TRIO: variants seen among roughly 807,000 people sequenced by gnomAD.
TRIO encodes trio Rho guanine nucleotide exchange factor.
Under a neutral mutation model 351.9 loss-of-function variants are expected in TRIO, and 58 were observed. That is an observed-to-expected ratio of 0.16 (90% CI 0.13 to 0.21). The LOEUF is 0.21. TRIO is among the 10% of genes least tolerant of loss of function. The pLI is 1.00. For synonymous variants in TRIO, 1,758 were observed against 1,595.7 expected, an observed-to-expected ratio of 1.10 and a Z score of -2.42; for missense variants, 3,201 against 4,027.8, an observed-to-expected ratio of 0.79 and a Z score of 5.56.
At position 14,378,101 on chromosome 5, in the gene TRIO, G is replaced by A. The variant is rs1217013472; in HGVS notation, c.3421G>A (p.Val1141Met). The change falls in exon 20 of 57, where the codon GTG becomes ATG. Residue 1141 changes from valine to methionine, a missense_variant. Coordinates refer to ENST00000344204, the MANE Select transcript of TRIO (RefSeq NM_007118.4). ...ACGGCTGGACCAGTGTCAGCAGTAC[G>A]TGGTCTTTGAGAGGAGTGCCAAGCA... ...KRRLDQCQQY[V>M]VFERSAKQAL... The A allele has an allele frequency of 1.2e-6, 2 of 1,612,544 alleles. No individual in the cohort carries two copies. The highest frequency in any genetic ancestry group is 8.5e-7 in the Non-Finnish European group (1 of 1,179,460).
At chr5:14,440,772 T>G (rs1422758964) in intron 34 of TRIO, 1 of 152,124 alleles carries the variant, frequency 6.6e-6, no homozygotes, top group Non-Finnish European at 1.5e-5. Context: ...TCCCTCCAGA[T>G]GTACACAAAG....
Position 14,488,099 on chromosome 5 carries a change from G to A in TRIO, c.7471G>A (p.Ala2491Thr), listed in dbSNP as rs770576249. 17 of 1,608,776 alleles carry A rather than the reference G, an allele frequency of 1.1e-5. No individual in the cohort carries two copies. Among genetic ancestry groups the A allele is most frequent in the Non-Finnish European group, 1.3e-5 (15 of 1,178,808 alleles). ...KGGSFWSSIPASPASRPGSFT... is the reference protein window; with the variant it reads ...KGGSFWSSIPTSPASRPGSFT... ...GGGCTCCTTCTGGAGCTCCATCCCC[G>A]CCTCCCCCGCCAGCCGACCCGGCTC... The change falls in exon 48 of 57, where the codon GCC becomes ACC. Residue 2491 changes from alanine (A) to threonine (T), a missense_variant. This residue lies in a region of TRIO where 1,089 missense variants were observed against 954.9 expected (regional missense o/e 1.14). Coordinates refer to ENST00000344204, the MANE Select transcript of TRIO (RefSeq NM_007118.4).
intron 7 of TRIO, chr5:14,297,564 G>A (rs1581559129): frequency 8.3e-6 from 2 of 241,752 alleles, no homozygotes; most frequent in East Asian, 1.7e-4. Context: ...GCCCGGCACA[G>A]TAAGCACTAA....
At chr5:14,298,746 T>G (rs984196372) in intron 7 of TRIO, among the ~76,000 whole-genome samples, 1 of 152,224 alleles carries the variant, frequency 6.6e-6, no homozygotes, top group Admixed American at 6.5e-5. Context: ...TAGCACCATG[T>G]AAAAGCTGAG....
chr5:14,288,340 T>TC (rs1267454339), intron 4 of TRIO, among the ~76,000 whole-genome samples: 1 of 152,042 alleles, frequency 6.6e-6, no homozygotes, highest in African/African-American at 2.4e-5. Context: ...AGCCTCTCTC[T>TC]CCCCACCCAG....
intron 9 of TRIO, among the ~76,000 whole-genome samples, chr5:14,320,528 G>A (rs570215068): frequency 2.0e-5 from 3 of 152,164 alleles, no homozygotes; most frequent in African/African-American, 4.8e-5. Flanking sequence ...ATGTGTGAGC[G>A]CCACCCCCTT....
intron 36 of TRIO, among the ~76,000 whole-genome samples, chr5:14,465,067 C>CT (rs1243340519): frequency 2.0e-5 from 3 of 151,978 alleles, no homozygotes; most frequent in Non-Finnish European, 4.4e-5. Context: ...TTCCTCGTTT[C>CT]TTTTTTTTCT....
intron 31 of TRIO, among the ~76,000 whole-genome samples, chr5:14,403,719 T>TGG (rs1336716270): frequency 1.1e-4 from 14 of 122,182 alleles, no homozygotes; most frequent in Non-Finnish European, 5.1e-5. Flanking sequence ...AGGGTGTAGG[T>TGG]TGTGGTGAGG....
At chr5:14,426,101 C>G (rs567263192) in intron 34 of TRIO, among the ~76,000 whole-genome samples, 20 of 152,218 alleles carry the variant, frequency 1.3e-4, no homozygotes, top group Non-Finnish European at 2.6e-4. Context: ...TTTTTCGTTT[C>G]ACCTAAAACA....
At chr5:14,478,979 A>G (rs527280067) in intron 41 of TRIO, among the ~76,000 whole-genome samples, 1 of 151,856 alleles carries the variant, frequency 6.6e-6, no homozygotes, top group Admixed American at 6.5e-5. Flanking sequence ...ACAACAACAA[A>G]AAAATGTTCT....
chr5:14,424,620 TTA>T (rs1750485848), intron 34 of TRIO, among the ~76,000 whole-genome samples: 1 of 152,168 alleles, frequency 6.6e-6, no homozygotes, highest in African/African-American at 2.4e-5. Flanking sequence ...CCCCCATAGT[TTA>T]CCACAACTCC....
At chr5:14,229,216 A>G (rs1327781573) in intron 1 of TRIO, among the ~76,000 whole-genome samples, 2 of 152,228 alleles carry the variant, frequency 1.3e-5, no homozygotes, top group African/African-American at 2.4e-5. Flanking sequence ...CTGATCTAGA[A>G]CAGGCTATTA....
intron 1 of TRIO, among the ~76,000 whole-genome samples, chr5:14,238,359 G>T (rs575633470): frequency 3.3e-5 from 5 of 152,314 alleles, no homozygotes; most frequent in Admixed American, 6.5e-5. Context: ...TATACTGTCA[G>T]TGCTAGGGTT....
intron 27 of TRIO, among the ~76,000 whole-genome samples, chr5:14,392,534 T>G (rs181136705): frequency 6.6e-6 from 1 of 152,304 alleles, no homozygotes; most frequent in East Asian, 1.9e-4. Context: ...TCCTCAAGGA[T>G]CTAGAACCAG....
intron 1 of TRIO, among the ~76,000 whole-genome samples, chr5:14,251,573 G>A (rs1341863786): frequency 6.6e-6 from 1 of 152,246 alleles, no homozygotes; most frequent in African/African-American, 2.4e-5. Context: ...GGGCACCAGA[G>A]GCTGGGCAGC....
chr5:14,461,359 G>A, intron 35 of TRIO, 48 bp downstream of exon 35: 1 of 1,457,134 alleles, frequency 6.9e-7, no homozygotes, highest in Non-Finnish European at 9.0e-7. Context: ...GGCCCGCTGG[G>A]CTTTTGCTGC....
intron 48 of TRIO, chr5:14,488,758 A>C (rs1477995504): frequency 3.4e-6 from 2 of 591,274 alleles, no homozygotes; most frequent in Non-Finnish European, 6.0e-6. Flanking sequence ...TCCAACAGCA[A>C]CTCAAAGCAA....
At chr5:14,175,968 A>C (rs993565961) in intron 1 of TRIO, among the ~76,000 whole-genome samples, 1 of 152,238 alleles carries the variant, frequency 6.6e-6, no homozygotes, top group African/African-American at 2.4e-5. Context: ...GAGAATACCA[A>C]ATATCAACCA....
chr5:14,203,723 G>T (rs1208757666), intron 1 of TRIO, among the ~76,000 whole-genome samples: 4 of 152,142 alleles, frequency 2.6e-5, no homozygotes, highest in African/African-American at 9.7e-5. Flanking sequence ...CCTGTACTCT[G>T]TACAAGGGGG....
Sources: gnomAD v4.1 joint callset for allele counts (sites outside exome capture counted in the v4.1 genomes callset) on GRCh38, gnomAD v4.1.1 for gene constraint, gnomAD v4.1.1 regional missense constraint, MANE v1.5 for transcripts, NCBI Gene and HGNC (gene_info 2026-07-23, HGNC 2026-07-21) for gene names.